The following AOPEP variants were observed in gnomAD, a reference collection of about 807,000 sequenced individuals.
The protein encoded by AOPEP is aminopeptidase O.
A neutral mutation model predicts 98.1 loss-of-function variants in AOPEP; 77 were observed. That is an observed-to-expected ratio of 0.78 (90% CI 0.65 to 0.95). The LOEUF (loss-of-function observed/expected upper bound fraction) is 0.95. Ranked by LOEUF, AOPEP falls within the 40% of genes least tolerant of loss-of-function variation. AOPEP has a pLI of 0.00. For synonymous variants in AOPEP, 346 were observed against 365.3 expected (o/e 0.95, Z 0.60); for missense variants, 1,024 against 1,024.7 (o/e 1.00, Z 0.01).
chr9:94,837,319 T>C (rs1455596195), intron 5 of AOPEP, among the ~76,000 whole-genome samples: 3 of 152,150 alleles, frequency 2.0e-5, no homozygotes, highest in Non-Finnish European at 4.4e-5. Flanking sequence ...CCGAACTCTA[T>C]CAGACTTCAA....
intron 11 of AOPEP, among the ~76,000 whole-genome samples, chr9:94,997,651 C>T (rs1391422434): frequency 6.6e-6 from 1 of 152,098 alleles, no homozygotes; most frequent in African/African-American, 2.4e-5. Flanking sequence ...GAGTAGAAAC[C>T]ACTGATCTAA....
chr9:95,057,838 G>T (rs556014070), intron 13 of AOPEP, among the ~76,000 whole-genome samples: 1 of 152,268 alleles, frequency 6.6e-6, no homozygotes, highest in South Asian at 2.1e-4. Context: ...AGAAGAATGG[G>T]ACTCACAGAA....
intron 5 of AOPEP, among the ~76,000 whole-genome samples, chr9:94,878,824 T>A (rs2047259536): frequency 6.6e-6 from 1 of 152,232 alleles, no homozygotes. Context: ...TGGGTTCCCC[T>A]TGCCCACTGC....
At chr9:95,020,881 T>C (rs772901677) in intron 13 of AOPEP, among the ~76,000 whole-genome samples, 6 of 121,778 alleles carry the variant, frequency 4.9e-5, no homozygotes, top group Non-Finnish European at 8.0e-5. Flanking sequence ...ATTGCGCCAC[T>C]GTACTCCAGC....
At chr9:94,914,060 C>T (rs1447349424) in intron 5 of AOPEP, among the ~76,000 whole-genome samples, 1 of 152,202 alleles carries the variant, frequency 6.6e-6, no homozygotes. Flanking sequence ...CTAAACAAAA[C>T]AGCTTAAATC....
At chr9:94,762,730 G>A (rs72747037) in intron 2 of AOPEP, among the ~76,000 whole-genome samples, 11,740 of 152,076 alleles carry the variant, frequency 0.077, 1,322 homozygotes, top group African/African-American at 0.25. Context: ...TTTATTTACA[G>A]TCAATTGTGA....
At chr9:94,839,499 A>G (rs1564232175) in intron 5 of AOPEP, among the ~76,000 whole-genome samples, 1 of 152,142 alleles carries the variant, frequency 6.6e-6, no homozygotes, top group Non-Finnish European at 1.5e-5. Context: ...CTGGGATTAC[A>G]GCTGTGAGCC....
At chr9:95,098,802 T>C in the AOPEP span, among the ~76,000 whole-genome samples, 1 of 152,310 alleles carries the variant, frequency 6.6e-6, no homozygotes, top group East Asian at 1.9e-4. Context: ...AAAACACAGA[T>C]ATGAAACGCA....
chr9:94,887,273 G>A (rs2048350161), intron 5 of AOPEP, among the ~76,000 whole-genome samples: 1 of 152,086 alleles, frequency 6.6e-6, no homozygotes, highest in Non-Finnish European at 1.5e-5. Context: ...GCTTGAGCCT[G>A]GGAGGCAGAG....
Position 94,924,043 on chromosome 9 carries a change from G to A in AOPEP, c.1422G>A (p.Gly474=). 6.6e-7 allele frequency: 1 copy of A among 1,516,918 alleles called. No individual in the cohort carries two copies. The highest frequency in any genetic ancestry group is 8.9e-7 in the Non-Finnish European group (1 of 1,129,308). The allele number at this position is 1,516,918 out of a possible 1,614,324, so 94.0% of individuals were successfully genotyped here. ...TGACAGGAGGGAACCATCTCTGTGG[G>A]ACCCGCCTCTGCCATGAAATTGCCC... The part of the protein sequence containing the change: ...SILTGGNHLC[G]TRLCHEIAHA... The change falls in exon 6 of 17, where the codon GGG becomes GGA. Residue 474 remains glycine, a synonymous_variant. Coordinates refer to ENST00000375315, the MANE Select transcript of AOPEP (RefSeq NM_001193329.3).
rs200707998 is a variant in AOPEP at position 95,071,292 on chromosome 9, CCA to C, written c.2233-9389_2233-9388del. Among the ~76,000 whole-genome samples the C allele has an allele frequency of 4.0e-3, 467 of 117,546 alleles. 3 individuals carry two copies. Among genetic ancestry groups the C allele is most frequent in the African/African-American group, 0.014 (433 of 30,990 alleles). 77.1% of individuals were successfully genotyped at this position (117,546 alleles called of 152,430 possible). On this transcript the variant is annotated intron_variant, in intron 14 of 16. Transcript: ENST00000375315. Reference sequence around the variant, plus strand: ...GTGCTGACATGACCCTCCCCCCGCCCCACACACACACACAAAAAAATGCTCAC... The same window carrying C: ...GTGCTGACATGACCCTCCCCCCGCCCCACACACACACAAAAAAATGCTCAC...
the AOPEP span, among the ~76,000 whole-genome samples, chr9:95,148,705 T>C: frequency 6.6e-6 from 1 of 152,220 alleles, no homozygotes; most frequent in Non-Finnish European, 1.5e-5. Flanking sequence ...CCATGCATAA[T>C]GCTACAAAAT....
chr9:94,761,359 T>C (rs991123647), intron 2 of AOPEP, among the ~76,000 whole-genome samples: 1 of 152,226 alleles, frequency 6.6e-6, no homozygotes, highest in East Asian at 1.9e-4. Context: ...GTTGTTCAGA[T>C]TTTTTTAAAT....
intron 7 of AOPEP, among the ~76,000 whole-genome samples, chr9:94,953,159 G>T (rs921874882): frequency 2.0e-5 from 3 of 152,190 alleles, no homozygotes; most frequent in African/African-American, 7.2e-5. Context: ...TGGGTGATGG[G>T]CTTTCCTTAT....
intron 1 of AOPEP, among the ~76,000 whole-genome samples, chr9:94,733,105 C>CTTTTTT (rs537104658): frequency 9.3e-5 from 12 of 128,930 alleles, no homozygotes; most frequent in East Asian, 2.2e-4. Flanking sequence ...TTTTCTTTCT[C>CTTTTTT]TTTTTTTTTT....
intron 1 of AOPEP, among the ~76,000 whole-genome samples, chr9:94,730,051 G>A (rs1337651893): frequency 6.6e-6 from 1 of 152,142 alleles, no homozygotes; most frequent in Non-Finnish European, 1.5e-5. Flanking sequence ...TTGGAAGGCC[G>A]AGGTGGGTAG....
chr9:94,822,363 CTT>C (rs1162701631), intron 5 of AOPEP, among the ~76,000 whole-genome samples: 2 of 152,074 alleles, frequency 1.3e-5, no homozygotes, highest in Non-Finnish European at 2.9e-5. Context: ...AGGGAAATGA[CTT>C]TTCCTAAAAA....
At chr9:95,139,598 G>A in the AOPEP span, among the ~76,000 whole-genome samples, 12 of 152,106 alleles carry the variant, frequency 7.9e-5, no homozygotes, top group South Asian at 1.2e-3. Flanking sequence ...TGTGTCCTGC[G>A]AGGGGTATTT....
intron 5 of AOPEP, among the ~76,000 whole-genome samples, chr9:94,886,698 G>A (rs1203453213): frequency 6.6e-6 from 1 of 152,106 alleles, no homozygotes; most frequent in African/African-American, 2.4e-5. Context: ...TTGAATTGTT[G>A]TGGAACAGTG....
Sources: gnomAD v4.1 joint callset for allele counts (sites outside exome capture counted in the v4.1 genomes callset) on GRCh38, gnomAD v4.1.1 for gene constraint, MANE v1.5 for transcripts, NCBI Gene and HGNC (gene_info 2026-07-23, HGNC 2026-07-21) for gene names.